CPAMD8: variants seen among roughly 807,000 people sequenced by gnomAD.
The protein encoded by CPAMD8 is C3 and PZP-like alpha-2-macroglobulin domain-containing protein 8.
Under a neutral mutation model 224.7 loss-of-function variants are expected in CPAMD8, and 146 were observed. That is an observed-to-expected ratio of 0.65 (90% confidence interval 0.57 to 0.75). The LOEUF (loss-of-function observed/expected upper bound fraction) is 0.75. CPAMD8 is among the 30% of genes least tolerant of loss of function. The probability of loss-of-function intolerance (pLI) is 0.00; values close to 1 mark genes in which losing one functional copy is unlikely to be tolerated. For synonymous variants in CPAMD8, 966 were observed against 1,044.6 expected (o/e 0.92, Z 1.45); for missense variants, 2,301 against 2,537.5 (o/e 0.91, Z 2.00).
intron 9 of CPAMD8, among the ~76,000 whole-genome samples, chr19:17,001,379 G>A (rs1484415279): frequency 4.0e-5 from 6 of 151,766 alleles, no homozygotes; most frequent in Admixed American, 6.6e-5. Flanking sequence ...GCACACTGGC[G>A]GGGGTGCTGT....
At chr19:16,986,444 C>G (rs922081525) in intron 13 of CPAMD8, among the ~76,000 whole-genome samples, 2 of 152,146 alleles carry the variant, frequency 1.3e-5, no homozygotes, top group Admixed American at 1.3e-4. Flanking sequence ...TCCTTCCTGT[C>G]CCCTGAGGAG....
intron 10 of CPAMD8, 81 bp from the exon 11 acceptor site, chr19:16,997,419 G>A (rs986579351): frequency 1.1e-5 from 9 of 821,178 alleles, no homozygotes; most frequent in Admixed American, 1.0e-4. Context: ...CACACCTGAG[G>A]TGCAAGACTC....
Position 16,896,256 on chromosome 19 carries a change from T to C in CPAMD8, c.5346A>G (p.Leu1782=). The change falls in exon 41 of 42, where the codon TTA becomes TTG. Residue 1782 remains leucine, a synonymous_variant. Coordinates refer to ENST00000443236, the MANE Select transcript of CPAMD8 (RefSeq NM_015692.5). ...CTCCATTCAGCTTCACGTCCTGCTG[T>C]AAAGGCCCCGGGGCCACAGAAGCCA... ...DDLASVAPGP[L]QQDVKLNGAG... is the part of the protein sequence containing the mutation. 1.9e-6 allele frequency: 3 copies of C among 1,613,268 alleles called. No homozygotes were observed. Among genetic ancestry groups the C allele is most frequent in the Non-Finnish European group, 2.5e-6 (3 of 1,179,894 alleles).
intron 9 of CPAMD8, among the ~76,000 whole-genome samples, chr19:17,001,924 G>A (rs922080122): frequency 6.6e-6 from 1 of 151,574 alleles, no homozygotes; most frequent in African/African-American, 2.4e-5. Context: ...CCTGGGGAGG[G>A]GAACCCACAG....
At chr19:16,963,560 A>G (rs2054723930) in intron 18 of CPAMD8, among the ~76,000 whole-genome samples, 1 of 152,206 alleles carries the variant, frequency 6.6e-6, no homozygotes. Context: ...TTAGAGACCT[A>G]CAAAGAGACT....
Position 16,945,632 on chromosome 19 carries a change from A to G in CPAMD8, c.2710T>C (p.Ser904Pro). 6.2e-7 allele frequency: 1 copy of G among 1,613,990 alleles called. No individual in the cohort carries two copies. Among genetic ancestry groups the G allele is most frequent in the East Asian group, 2.2e-5 (1 of 44,878 alleles). ...TGATTCTCCTCAGGGTGTTTGCTGG[A>G]CCTCCCATCCCGGCAGCAATTTGTG... ...GDTNCCRDGRSSKHPEENHAD... is the reference protein window; with the variant it reads ...GDTNCCRDGRPSKHPEENHAD... Residue 904 changes from serine to proline, a missense_variant, in exon 22 of 42, where the codon TCC becomes CCC. Ser to Pro is a moderately conservative substitution (Grantham distance 74). Transcript: ENST00000443236.
intron 18 of CPAMD8, among the ~76,000 whole-genome samples, chr19:16,962,199 T>C (rs546694758): frequency 2.9e-4 from 44 of 152,264 alleles, no homozygotes; most frequent in Middle Eastern, 3.4e-3. Context: ...CTTTGACAAA[T>C]TGACAGAAGT....
In CPAMD8 at chr19:17,001,416, C is replaced by T. The variant is rs541386891; in HGVS notation, c.758+850G>A. ...GGATGCCAGGGAGGCCTGCAGAGGGCGGGGAGCAGCCTTGGGGGAGAGGGG... is the reference window on the plus strand; with the variant it reads ...GGATGCCAGGGAGGCCTGCAGAGGGTGGGGAGCAGCCTTGGGGGAGAGGGG... On this transcript the variant is annotated intron_variant, in intron 9 of 41. Coordinates refer to ENST00000443236, the MANE Select transcript of CPAMD8 (RefSeq NM_015692.5). Among the ~76,000 whole-genome samples, 7 of 55,716 alleles carry T rather than the reference C, an allele frequency of 1.3e-4. No homozygotes were observed. In the South Asian group the frequency reaches 2.3e-3, roughly 18 times the overall value. 36.6% of individuals were successfully genotyped at this position (55,716 alleles called of 152,430 possible).
chr19:16,917,233 C>T (rs568133417), intron 27 of CPAMD8, among the ~76,000 whole-genome samples: 1 of 151,342 alleles, frequency 6.6e-6, no homozygotes, highest in East Asian at 2.0e-4. Context: ...TATTCATAAA[C>T]AAACACACAA....
chr19:17,015,071 G>A lies in CPAMD8; in HGVS notation c.268-3314C>T, dbSNP rs894420028. Among the ~76,000 whole-genome samples, 5 of 152,084 alleles carry A rather than the reference G, an allele frequency of 3.3e-5. No individual in the cohort carries two copies. In the East Asian group the frequency reaches 7.7e-4, roughly 24 times the overall value. ...AGCCTGGCCAACATGGCGAAGCCCC[G>A]TCTCTACTGAAAATACAAAAATTAG... On this transcript the variant is annotated intron_variant, in intron 3 of 41. Coordinates refer to ENST00000443236, the MANE Select transcript of CPAMD8 (RefSeq NM_015692.5).
intron 36 of CPAMD8, 95 bp downstream of exon 36, chr19:16,901,115 A>T (rs2052238002): frequency 1.4e-6 from 1 of 705,214 alleles, no homozygotes. Flanking sequence ...CATTTTACAA[A>T]GGTCTGGACT....
intron 18 of CPAMD8, among the ~76,000 whole-genome samples, chr19:16,965,515 T>C (rs550599954): frequency 1.6e-3 from 239 of 152,064 alleles, no homozygotes; most frequent in Non-Finnish European, 2.6e-3. Context: ...GAGAAGGAAA[T>C]AAAGGGTATT....
chr19:16,971,813 G>A (rs546234506), intron 17 of CPAMD8, among the ~76,000 whole-genome samples: 9 of 152,276 alleles, frequency 5.9e-5, no homozygotes, highest in South Asian at 2.1e-4. Flanking sequence ...TTGGGAGGCC[G>A]AGGTGGGCGG....
At chr19:17,025,909 A>G (rs1384590286) in intron 1 of CPAMD8, among the ~76,000 whole-genome samples, 1 of 152,162 alleles carries the variant, frequency 6.6e-6, no homozygotes, top group African/African-American at 2.4e-5. Context: ...CTCCTAAACA[A>G]GGGCTGCTTG....
At chr19:16,978,683 G>T (rs1034005031) in intron 14 of CPAMD8, among the ~76,000 whole-genome samples, 1 of 152,142 alleles carries the variant, frequency 6.6e-6, no homozygotes, top group Non-Finnish European at 1.5e-5. Context: ...GGTCCCAAAT[G>T]TTGACAGTGC....
intron 34 of CPAMD8, among the ~76,000 whole-genome samples, chr19:16,903,115 G>A (rs543576400): frequency 1.6e-4 from 25 of 152,184 alleles, no homozygotes; most frequent in African/African-American, 5.5e-4. Flanking sequence ...GAGTCTAGGG[G>A]TCTCCCTCTC....
At chr19:16,901,859 C>T (rs2052270540) in intron 35 of CPAMD8, among the ~76,000 whole-genome samples, 1 of 152,088 alleles carries the variant, frequency 6.6e-6, no homozygotes, top group Non-Finnish European at 1.5e-5. Context: ...GGGGAGTGCA[C>T]CAAGCTGGAC....
intron 32 of CPAMD8, 151 bp downstream of exon 32, chr19:16,904,075 T>C: frequency 1.0e-6 from 1 of 990,510 alleles, no homozygotes; most frequent in Non-Finnish European, 1.5e-6. Flanking sequence ...TCCAGGGGCA[T>C]CTGTCCCTCA....
chr19:17,013,881 A>C (rs12984235), intron 3 of CPAMD8, among the ~76,000 whole-genome samples: 1 of 142,898 alleles, frequency 7.0e-6, no homozygotes, highest in African/African-American at 2.5e-5. Flanking sequence ...CCTACACTAC[A>C]CAATTCCTTC....
Sources: gnomAD v4.1 joint callset for allele counts (sites outside exome capture counted in the v4.1 genomes callset) on GRCh38, gnomAD v4.1.1 for gene constraint, MANE v1.5 for transcripts, NCBI Gene and HGNC (gene_info 2026-07-23, HGNC 2026-07-21) for gene names.